The following FBXL7 variants were observed in gnomAD, a reference collection of about 807,000 sequenced individuals.
FBXL7 encodes the protein F-box and leucine rich repeat protein 7, also known as F-box/LRR-repeat protein 7.
FBXL7 carries 12 observed loss-of-function variants against 38.3 expected under a neutral mutation model. The ratio of observed to expected loss-of-function variants is 0.31; its 90% confidence interval spans 0.20 to 0.51. The LOEUF (loss-of-function observed/expected upper bound fraction) is 0.51. Ranked by LOEUF, FBXL7 falls within the 20% of genes least tolerant of loss-of-function variation. The pLI is 0.98. For missense variants in FBXL7, 567 were observed against 676.4 expected (o/e 0.84, Z 1.79); for synonymous variants, 297 against 300.9 (o/e 0.99, Z 0.13).
intron 2 of FBXL7, among the ~76,000 whole-genome samples, chr5:15,680,509 G>A (rs1742807269): frequency 6.6e-6 from 1 of 152,090 alleles, no homozygotes; most frequent in South Asian, 2.1e-4. Flanking sequence ...TTAAATAAAT[G>A]ACTTGGCCTT....
intron 1 of FBXL7, among the ~76,000 whole-genome samples, chr5:15,561,684 T>A (rs1158105004): frequency 6.6e-6 from 1 of 152,108 alleles, no homozygotes; most frequent in Non-Finnish European, 1.5e-5. Context: ...CCATCAAGAC[T>A]GTACAGAGGT....
intron 1 of FBXL7, among the ~76,000 whole-genome samples, chr5:15,606,332 T>C (rs144680302): frequency 6.6e-6 from 1 of 152,262 alleles, no homozygotes; most frequent in Non-Finnish European, 1.5e-5. Flanking sequence ...GCGTGTATGA[T>C]TATGTATATT....
intron 2 of FBXL7, among the ~76,000 whole-genome samples, chr5:15,780,918 G>GA (rs1736974017): frequency 1.3e-5 from 2 of 152,190 alleles, no homozygotes. Flanking sequence ...TTCTGGTGCA[G>GA]AAGGCTCTAA....
intron 2 of FBXL7, among the ~76,000 whole-genome samples, chr5:15,782,771 T>G (rs2126722685): frequency 6.6e-6 from 1 of 152,228 alleles, no homozygotes; most frequent in Admixed American, 6.5e-5. Context: ...AGGCATTTTC[T>G]TGTGAAAAGT....
At chr5:15,834,197 T>C (rs375935156) in intron 2 of FBXL7, among the ~76,000 whole-genome samples, 3 of 152,224 alleles carry the variant, frequency 2.0e-5, no homozygotes, top group East Asian at 3.9e-4. Flanking sequence ...GGTGGAACAC[T>C]GGTTAACAAA....
At chr5:15,798,051 G>A (rs547709862) in intron 2 of FBXL7, among the ~76,000 whole-genome samples, 11 of 152,236 alleles carry the variant, frequency 7.2e-5, no homozygotes, top group African/African-American at 2.2e-4. Flanking sequence ...AAATGTGAAC[G>A]TGGAGAGGGA....
chr5:15,873,472 A>G (rs1740058207), intron 2 of FBXL7, among the ~76,000 whole-genome samples: 1 of 152,202 alleles, frequency 6.6e-6, no homozygotes, highest in South Asian at 2.1e-4. Context: ...CAATGAATCC[A>G]GGAGGTGGTT....
chr5:15,530,248 A>C (rs914633863), intron 1 of FBXL7, among the ~76,000 whole-genome samples: 1 of 152,212 alleles, frequency 6.6e-6, no homozygotes, highest in African/African-American at 2.4e-5. Context: ...TTGCCTTTAT[A>C]TTCTGACAGA....
At chr5:15,777,819 A>C (rs921705218) in intron 2 of FBXL7, among the ~76,000 whole-genome samples, 1 of 151,366 alleles carries the variant, frequency 6.6e-6, no homozygotes, top group African/African-American at 2.4e-5. Context: ...AAAAAGCACT[A>C]CTATTACATG....
chr5:15,663,015 C>T (rs994476241), intron 2 of FBXL7, among the ~76,000 whole-genome samples: 1 of 151,936 alleles, frequency 6.6e-6, no homozygotes, highest in African/African-American at 2.4e-5. Context: ...ATTTTAAAAT[C>T]GTTTTTTCTA....
chr5:15,770,518 T>C (rs1439319282), intron 2 of FBXL7, among the ~76,000 whole-genome samples: 1 of 152,172 alleles, frequency 6.6e-6, no homozygotes, highest in Non-Finnish European at 1.5e-5. Context: ...CCAAGAAAGC[T>C]GCAGAGATGC....
intron 1 of FBXL7, among the ~76,000 whole-genome samples, chr5:15,572,685 A>G (rs1215294235): frequency 6.6e-6 from 1 of 152,108 alleles, no homozygotes; most frequent in Non-Finnish European, 1.5e-5. Context: ...GGCCCATGTC[A>G]TGCTGGTTTT....
chr5:15,761,142 G>A (rs952839973), intron 2 of FBXL7, among the ~76,000 whole-genome samples: 1 of 152,178 alleles, frequency 6.6e-6, no homozygotes, highest in African/African-American at 2.4e-5. Context: ...GTGTTTAAAA[G>A]GTAGCATTGA....
intron 2 of FBXL7, among the ~76,000 whole-genome samples, chr5:15,751,355 T>G (rs574311690): frequency 4.6e-5 from 7 of 152,324 alleles, no homozygotes; most frequent in African/African-American, 1.7e-4. Flanking sequence ...TGGTGGATAA[T>G]GTTTGAAAGG....
rs544140922 is a variant in FBXL7, at chr5:15,771,625, A to G, written c.127+155553A>G. ...TCCCGGCCAGCTCTGCTTGTAAAAA[A>G]GCTGGGTGCTACTCAATGTAGGTAT... On this transcript the variant is annotated intron_variant, in intron 2 of 3. Transcript: ENST00000504595. Among the ~76,000 whole-genome samples the G allele has an allele frequency of 2.8e-4, 42 of 152,308 alleles. 1 individual carries two copies. The East Asian group carries it at 8.1e-3, about 29-fold the overall frequency.
chr5:15,819,199 T>C (rs1738103434), intron 2 of FBXL7, among the ~76,000 whole-genome samples: 1 of 152,180 alleles, frequency 6.6e-6, no homozygotes, highest in Non-Finnish European at 1.5e-5. Context: ...AGCCAGAGAC[T>C]ATAGGTACAG....
intron 2 of FBXL7, among the ~76,000 whole-genome samples, chr5:15,727,991 C>A (rs1735459176): frequency 6.6e-6 from 1 of 152,094 alleles, no homozygotes; most frequent in Admixed American, 6.5e-5. Flanking sequence ...CTTTCTTCTG[C>A]CTGTTCAAAT....
At chr5:15,668,794 G>A (rs1353536659) in intron 2 of FBXL7, among the ~76,000 whole-genome samples, 1 of 152,156 alleles carries the variant, frequency 6.6e-6, no homozygotes, top group African/African-American at 2.4e-5. Context: ...TCTAACTTAT[G>A]TAAAGACCTA....
intron 2 of FBXL7, among the ~76,000 whole-genome samples, chr5:15,875,207 C>T (rs879360410): frequency 1.3e-5 from 2 of 152,170 alleles, no homozygotes; most frequent in Non-Finnish European, 2.9e-5. Flanking sequence ...ATTGGCTAGC[C>T]ATAGGCAGAA....
Sources: gnomAD v4.1 joint callset for allele counts (sites outside exome capture counted in the v4.1 genomes callset) on GRCh38, gnomAD v4.1.1 for gene constraint, MANE v1.5 for transcripts, NCBI Gene and HGNC (gene_info 2026-07-23, HGNC 2026-07-21) for gene names.